Variants in CCL7 observed in about 807,000 individuals in gnomAD.
The protein encoded by CCL7 is C-C motif chemokine 7.
Under a neutral mutation model 7.1 loss-of-function variants are expected in CCL7, and 8 were observed. The observed-to-expected ratio is 1.13, with a 90% CI of 0.66 to 2.04. CCL7 has a LOEUF of 2.04. Among genes scored for constraint, CCL7 ranks in the 30% most tolerant of loss-of-function variants. CCL7 has a pLI of 0.00. For synonymous variants in CCL7, 46 were observed against 41.2 expected, an observed-to-expected ratio of 1.12 and a Z score of -0.45; for missense variants, 134 against 113.6, an observed-to-expected ratio of 1.18 and a Z score of -0.82.
Position 34,271,894 on chromosome 17 carries a change from T to A in CCL7, c.*92T>A. Reference sequence around the variant, plus strand: ...TCTCAGAGTGGTTCTGAGATTATTTTAATCTAATTCTAAGGAATATGAGCT... The same window carrying A: ...TCTCAGAGTGGTTCTGAGATTATTTAAATCTAATTCTAAGGAATATGAGCT... On this transcript the variant is annotated 3_prime_UTR_variant, in exon 3 of 3. Transcript: ENST00000378569. 1 of 740,686 alleles carries A rather than the reference T, an allele frequency of 1.4e-6. No individual in the cohort carries two copies. Among genetic ancestry groups the A allele is most frequent in the Non-Finnish European group, 2.3e-6 (1 of 438,176 alleles). 45.9% of individuals were successfully genotyped at this position (740,686 alleles called of 1,614,324 possible). A position where few individuals can be genotyped will look rare whatever the true frequency, so the allele number is the denominator to read the frequency against.
In CCL7 at chr17:34,271,809, A is replaced by G. The variant is rs200378619; in HGVS notation, c.*7A>G. 9.5e-6 allele frequency: 15 copies of G among 1,571,644 alleles called. No individual in the cohort carries two copies. Among genetic ancestry groups the G allele is most frequent in the Non-Finnish European group, 1.2e-5 (14 of 1,144,320 alleles). On this transcript the variant is annotated 3_prime_UTR_variant, in exon 3 of 3. Coordinates refer to ENST00000378569, the MANE Select transcript of CCL7 (RefSeq NM_006273.4). Reference sequence around the variant, plus strand: ...CCAAACTCCAAAGCTTTGAACATTCATGACTGAACTGAAAACAAGCCATGA... The same window carrying G: ...CCAAACTCCAAAGCTTTGAACATTCGTGACTGAACTGAAAACAAGCCATGA...
chr17:34,271,461 C>T (rs1417219567), intron 2 of CCL7, among the ~76,000 whole-genome samples, 198 bp downstream of exon 2: 1 of 152,208 alleles, frequency 6.6e-6, no homozygotes. Flanking sequence ...CCCTTTCCAG[C>T]TATCATTTTA....
intron 1 of CCL7, 60 bp from the exon 2 acceptor site, chr17:34,271,086 C>T: frequency 1.2e-6 from 2 of 1,605,950 alleles, no homozygotes; most frequent in Non-Finnish European, 8.5e-7. Flanking sequence ...CCCTGTTTTA[C>T]AAACAGAAAG....
chr17:34,271,658 C>T lies in CCL7; in HGVS notation c.195-39C>T, dbSNP rs771685496. The T allele has an allele frequency of 7.3e-6, 10 of 1,362,168 alleles. No individual in the cohort carries two copies. The Admixed American group carries it at 1.7e-4, about 23-fold the overall frequency. The allele number at this position is 1,362,168 out of a possible 1,614,324, so 84.4% of individuals were successfully genotyped here. A position where few individuals can be genotyped will look rare whatever the true frequency, so the allele number is the denominator to read the frequency against. On this transcript the variant is annotated intron_variant, in intron 2 of 2. Coordinates refer to ENST00000378569, the MANE Select transcript of CCL7 (RefSeq NM_006273.4). Reference sequence around the variant, plus strand: ...TGGTCACACTCCCAGGCTGAACCCTCAAGGTGTTCCATCTGACTGTCTCCT... The same window carrying T: ...TGGTCACACTCCCAGGCTGAACCCTTAAGGTGTTCCATCTGACTGTCTCCT...
Position 34,272,155 on chromosome 17 carries a change from C to T in CCL7, c.*353C>T. 1 of 172,170 alleles carries T rather than the reference C, an allele frequency of 5.8e-6. No individual in the cohort carries two copies. The highest frequency in any genetic ancestry group is 1.2e-5 in the Non-Finnish European group (1 of 81,698). The allele number at this position is 172,170 out of a possible 1,614,324, so 10.7% of individuals were successfully genotyped here. On this transcript the variant is annotated 3_prime_UTR_variant, in exon 3 of 3. Coordinates refer to ENST00000378569, the MANE Select transcript of CCL7 (RefSeq NM_006273.4). ...GCTTTAATTGTTAAGATATGATGTCCCTATGGAAGCATATTGTTATTATAT... is the reference window on the plus strand; with the variant it reads ...GCTTTAATTGTTAAGATATGATGTCTCTATGGAAGCATATTGTTATTATAT...
chr17:34,271,861 C>T lies in CCL7; in HGVS notation c.*59C>T, dbSNP rs570496663. ...TTGAGAAACAAATAATTTGTATACC[C>T]TGTCCTTTCTCAGAGTGGTTCTGAG... On this transcript the variant is annotated 3_prime_UTR_variant, in exon 3 of 3. Transcript: ENST00000378569. The T allele has an allele frequency of 2.0e-6, 2 of 1,016,816 alleles. No individual in the cohort carries two copies. The highest frequency in any genetic ancestry group is 2.7e-5 in the South Asian group (2 of 72,788). 63.0% of individuals were successfully genotyped at this position (1,016,816 alleles called of 1,614,324 possible). A position where few individuals can be genotyped will look rare whatever the true frequency, so the allele number is the denominator to read the frequency against.
In CCL7 at chr17:34,271,817, A is replaced by G; in HGVS notation, c.*15A>G. 3 of 1,508,462 alleles carry G rather than the reference A, an allele frequency of 2.0e-6. No individual in the cohort carries two copies. Among genetic ancestry groups the G allele is most frequent in the Non-Finnish European group, 2.8e-6 (3 of 1,087,480 alleles). The allele number at this position is 1,508,462 out of a possible 1,614,324, so 93.4% of individuals were successfully genotyped here. The stretch of plus-strand genomic sequence containing the variant: ...CAAAGCTTTGAACATTCATGACTGA[A>G]CTGAAAACAAGCCATGACTTGAGAA... On this transcript the variant is annotated 3_prime_UTR_variant, in exon 3 of 3. Transcript: ENST00000378569.
chr17:34,271,114 A>T, intron 1 of CCL7, 32 bp from the exon 2 acceptor site: 2 of 1,614,052 alleles, frequency 1.2e-6, no homozygotes, highest in Non-Finnish European at 1.7e-6. Flanking sequence ...ACACACCCTC[A>T]ATGGACTTTT....
At chr17:34,270,516 AACC>A in intron 1 of CCL7, 150 bp downstream of exon 1, 1 of 644,126 alleles carries the variant, frequency 1.6e-6, no homozygotes, top group Non-Finnish European at 2.7e-6. Context: ...GGGTGAGCCC[AACC>A]ACACAGCTGC....
In CCL7 at chr17:34,270,339, T is replaced by G; in HGVS notation, c.49T>G (p.Phe17Val). The change falls in exon 1 of 3, where the codon TTC becomes GTC. Residue 17 changes from phenylalanine (F) to valine (V), a missense_variant. Transcript: ENST00000378569. ...LLCLLLTAAA[F>V]SPQGLAQPVG... is the part of the protein sequence containing the mutation. ...GTGTCTGCTGCTCACAGCAGCTGCTTTCAGCCCCCAGGGGCTTGCTCAGCC... is the reference window on the plus strand; with the variant it reads ...GTGTCTGCTGCTCACAGCAGCTGCTGTCAGCCCCCAGGGGCTTGCTCAGCC... 6.2e-7 allele frequency: 1 copy of G among 1,614,188 alleles called. No individual in the cohort carries two copies. The highest frequency in any genetic ancestry group is 8.5e-7 in the Non-Finnish European group (1 of 1,180,022).
chr17:34,271,051 T>C, intron 1 of CCL7, 95 bp from the exon 2 acceptor site: 2 of 1,585,138 alleles, frequency 1.3e-6, no homozygotes, highest in Non-Finnish European at 1.7e-6. Flanking sequence ...TCTTCCTTTC[T>C]TTCTGATTCC....
At chr17:34,271,344 T>G (rs1346420954) in intron 2 of CCL7, 81 bp downstream of exon 2, 1 of 1,119,040 alleles carries the variant, frequency 8.9e-7, no homozygotes, top group African/African-American at 1.6e-5. Context: ...AGTATCAGAA[T>G]GAGTTGGAGT....
rs1159727234 is a variant in CCL7 at position 34,270,283 on chromosome 17, C to T, written c.-8C>T. 7 of 1,613,956 alleles carry T rather than the reference C, an allele frequency of 4.3e-6. No individual in the cohort carries two copies. The African/African-American group carries it at 6.7e-5, about 15-fold the overall frequency. ...CTCATGTGGAAGCCCATGCCCTCAC[C>T]CTCCAACATGAAAGCCTCTGCAGCA... On this transcript the variant is annotated 5_prime_UTR_variant, in exon 1 of 3. Transcript: ENST00000378569.
At chr17:34,270,413 G>T (rs200084098) in intron 1 of CCL7, 47 bp downstream of exon 1, 5 of 1,488,406 alleles carry the variant, frequency 3.4e-6, no homozygotes, top group Non-Finnish European at 2.8e-6. Flanking sequence ...CCCCCTCTCT[G>T]GGTTATCCTG....
Position 34,271,253 on chromosome 17 carries a change from G to A in CCL7, c.184G>A (p.Glu62Lys), listed in dbSNP as rs774440410. The A allele has an allele frequency of 3.1e-6, 5 of 1,613,776 alleles. No homozygotes were observed. In the African/African-American group the frequency reaches 6.7e-5, roughly 22 times the overall value. ...RRTTSSHCPR[E>K]AVIFKTKLDK... ...GACCACCAGTAGCCACTGTCCCCGG[G>A]AAGCTGTAATGTATGTGGACGATGA... Residue 62 changes from glutamate to lysine, a missense_variant, in exon 2 of 3, where the codon GAA (glutamate) becomes AAA (lysine). By Grantham distance (56) the Glu-to-Lys change is moderately conservative. Transcript: ENST00000378569.
At position 34,272,057 on chromosome 17, in the gene CCL7, T is replaced by C; in HGVS notation, c.*255T>C. Reference sequence around the variant, plus strand: ...TATGTCATCTCAGTGCTGTAAAAACTGTGGGATGCTCCTCCCTTCTCTACC... The same window carrying C: ...TATGTCATCTCAGTGCTGTAAAAACCGTGGGATGCTCCTCCCTTCTCTACC... On this transcript the variant is annotated 3_prime_UTR_variant, in exon 3 of 3. Transcript: ENST00000378569. 1 of 365,018 alleles carries C rather than the reference T, an allele frequency of 2.7e-6. No individual in the cohort carries two copies. The highest frequency in any genetic ancestry group is 4.7e-5 in the Admixed American group (1 of 21,178). The allele number at this position is 365,018 out of a possible 1,614,324, so 22.6% of individuals were successfully genotyped here. A position where few individuals can be genotyped will look rare whatever the true frequency, so the allele number is the denominator to read the frequency against.
At position 34,270,997 on chromosome 17, in the gene CCL7, G is replaced by A. The variant is rs1013356399; in HGVS notation, c.77-149G>A. The A allele has an allele frequency of 1.2e-5, 18 of 1,486,700 alleles. No homozygotes were observed. The African/African-American group carries it at 2.1e-4, about 18-fold the overall frequency. The allele number at this position is 1,486,700 out of a possible 1,614,324, so 92.1% of individuals were successfully genotyped here. A position where few individuals can be genotyped will look rare whatever the true frequency, so the allele number is the denominator to read the frequency against. Reference sequence around the variant, plus strand: ...AAGGGAGTTTATGAAATGCCTCAAAGGGCAGAGACATTGGGTTTGGGATGG... The same window carrying A: ...AAGGGAGTTTATGAAATGCCTCAAAAGGCAGAGACATTGGGTTTGGGATGG... On this transcript the variant is annotated intron_variant, in intron 1 of 2. Transcript: ENST00000378569.
In CCL7 at chr17:34,270,360, C is replaced by T. The variant is rs200122136; in HGVS notation, c.70C>T (p.Gln24Ter). Residue 24 changes from glutamine to a stop codon, truncating the protein, a stop_gained, in exon 1 of 3, where the codon CAG becomes TAG. Coordinates refer to ENST00000378569, the MANE Select transcript of CCL7 (RefSeq NM_006273.4). LOFTEE classifies it high-confidence loss of function. ...AAAFSPQGLA[Q>*]PVGINTSTTC... ...TGCTTTCAGCCCCCAGGGGCTTGCT[C>T]AGCCAGGTAAGGTCCCTCTCTCCTT... The T allele has an allele frequency of 6.2e-7, 1 of 1,614,058 alleles. No homozygotes were observed.
In CCL7 at chr17:34,272,073, C is replaced by A; in HGVS notation, c.*271C>A. 1 of 340,476 alleles carries A rather than the reference C, an allele frequency of 2.9e-6. No individual in the cohort carries two copies. Among genetic ancestry groups the A allele is most frequent in the East Asian group, 7.6e-5 (1 of 13,126 alleles). The allele number at this position is 340,476 out of a possible 1,614,324, so 21.1% of individuals were successfully genotyped here. Reference sequence around the variant, plus strand: ...TGTAAAAACTGTGGGATGCTCCTCCCTTCTCTACCTCATGGGGGTATTGTA... The same window carrying A: ...TGTAAAAACTGTGGGATGCTCCTCCATTCTCTACCTCATGGGGGTATTGTA... On this transcript the variant is annotated 3_prime_UTR_variant, in exon 3 of 3. Coordinates refer to ENST00000378569, the MANE Select transcript of CCL7 (RefSeq NM_006273.4).
Sources: allele counts gnomAD v4.1 joint callset (sites outside exome capture counted in the v4.1 genomes callset), GRCh38; gene constraint gnomAD v4.1.1; transcripts MANE v1.5; gene names NCBI Gene and HGNC (gene_info 2026-07-23, HGNC 2026-07-21).